HERC2: variants seen among roughly 807,000 people sequenced by gnomAD.
HERC2 encodes the protein HECT and RLD domain containing E3 ubiquitin protein ligase 2, also known as E3 ubiquitin-protein ligase HERC2.
A neutral mutation model predicts 537.7 loss-of-function variants in HERC2; 102 were observed. The ratio of observed to expected loss-of-function variants is 0.19; its 90% CI spans 0.16 to 0.22. HERC2 has a LOEUF of 0.22. HERC2 is among the 10% of genes least tolerant of loss of function. HERC2 has a pLI of 1.00. For synonymous variants in HERC2, 2,224 were observed against 2,466.2 expected, an observed-to-expected ratio of 0.90 and a Z score of 2.91; for missense variants, 4,236 against 6,198.2, an observed-to-expected ratio of 0.68 and a Z score of 10.63.
chr15:28,222,499 ATAAC>A (rs1461390461), intron 35 of HERC2, among the ~76,000 whole-genome samples: 2 of 152,236 alleles, frequency 1.3e-5, no homozygotes, highest in African/African-American at 2.4e-5. Flanking sequence ...AAAAAGCAAA[ATAAC>A]TAAGTTAGAA....
chr15:28,130,362 C>T, intron 82 of HERC2, 60 bp from the exon 83 acceptor site: 2 of 1,610,752 alleles, frequency 1.2e-6, no homozygotes, highest in Non-Finnish European at 1.7e-6. Flanking sequence ...CCACCCTGAC[C>T]AGCCTCCTGG....
In HERC2 at chr15:28,142,229, A is replaced by G; in HGVS notation, c.11700+9T>C. 1 of 1,611,632 alleles carries G rather than the reference A, an allele frequency of 6.2e-7. No individual in the cohort carries two copies. The highest frequency in any genetic ancestry group is 1.7e-4 in the Middle Eastern group (1 of 6,050). On this transcript the variant is annotated intron_variant, in intron 76 of 92. Coordinates refer to ENST00000261609, the MANE Select transcript of HERC2 (RefSeq NM_004667.6). ...ATCCCAAAAGTGATTCCAAAATATC[A>G]TGCAATACCTCATCAAGAAACAGAC...
intron 78 of HERC2, among the ~76,000 whole-genome samples, chr15:28,136,359 AG>A (rs1448836293): frequency 6.6e-6 from 1 of 152,122 alleles, no homozygotes; most frequent in Non-Finnish European, 1.5e-5. Flanking sequence ...GGGCCAATGC[AG>A]GAAGTGAAAC....
At position 28,322,088 on chromosome 15, in the gene HERC2, C is replaced by T. The variant is rs1475354759; in HGVS notation, c.-45G>A. 1 of 86,726 alleles carries T rather than the reference C, an allele frequency of 1.2e-5. No individual in the cohort carries two copies. Among genetic ancestry groups the T allele is most frequent in the Non-Finnish European group, 2.1e-5 (1 of 46,644 alleles). The allele number at this position is 86,726 out of a possible 1,614,324, so 5.4% of individuals were successfully genotyped here. On this transcript the variant is annotated 5_prime_UTR_variant, in exon 1 of 93. Coordinates refer to ENST00000261609, the MANE Select transcript of HERC2 (RefSeq NM_004667.6). ...CCAGGCCAGGACCTGACGCGCAGGG[C>T]CCGGCCGCCTCGCCTCGCCGGCGCG... is the stretch of plus-strand genomic sequence containing the variant.
At chr15:28,245,598 C>T (rs1567063999) in intron 23 of HERC2, among the ~76,000 whole-genome samples, 8 of 137,042 alleles carry the variant, frequency 5.8e-5, no homozygotes, top group African/African-American at 2.4e-4. Flanking sequence ...CACACACACA[C>T]ACACACAGAT....
chr15:28,174,786 C>T (rs909917433), intron 64 of HERC2, among the ~76,000 whole-genome samples, 166 bp from the exon 65 acceptor site: 3 of 152,092 alleles, frequency 2.0e-5, no homozygotes, highest in African/African-American at 4.8e-5. Context: ...ATGGCATCAG[C>T]GTACTACAAT....
rs1347965002 is a variant in HERC2, at chr15:28,141,585, A to T, written c.11862T>A (p.Ile3954=). Residue 3954 remains isoleucine (I), a synonymous_variant, in exon 78 of 93, where the codon ATT becomes ATA. Coordinates refer to ENST00000261609, the MANE Select transcript of HERC2 (RefSeq NM_004667.6). ...WTLSAGGSGT[I]YGWGHNHRGQ... ...CCCTGTGATTATGTCCCCATCCATA[A>T]ATTGTTCCACTGCCACCAGCAGAGA... The T allele has an allele frequency of 6.2e-7, 1 of 1,614,106 alleles. No homozygotes were observed.
intron 78 of HERC2, among the ~76,000 whole-genome samples, chr15:28,138,227 A>T (rs1890847408): frequency 6.6e-6 from 1 of 152,190 alleles, no homozygotes; most frequent in Non-Finnish European, 1.5e-5. Flanking sequence ...GTTACCCAGA[A>T]GATCTAGCCA....
At chr15:28,165,406 G>C (rs1425496171) in intron 68 of HERC2, among the ~76,000 whole-genome samples, 1 of 152,132 alleles carries the variant, frequency 6.6e-6, no homozygotes, top group Non-Finnish European at 1.5e-5. Flanking sequence ...ATACAGAAAG[G>C]GTGAAAACTA....
intron 86 of HERC2, 100 bp from the exon 87 acceptor site, chr15:28,117,254 G>A (rs997986786): frequency 1.7e-5 from 20 of 1,175,104 alleles, no homozygotes; most frequent in African/African-American, 7.5e-5. Flanking sequence ...AGGAGGCACC[G>A]TGCATGGGCC....
chr15:28,204,099 C>T (rs1232834476), intron 45 of HERC2, among the ~76,000 whole-genome samples: 1 of 152,098 alleles, frequency 6.6e-6, no homozygotes, highest in Admixed American at 6.5e-5. Flanking sequence ...GAGAAGAAAA[C>T]TCCCCTTTCT....
At chr15:28,288,376 A>C (rs2076217180) in intron 4 of HERC2, among the ~76,000 whole-genome samples, 1 of 148,626 alleles carries the variant, frequency 6.7e-6, no homozygotes, top group African/African-American at 2.5e-5. Context: ...AAAATACAAA[A>C]TTAGCCAGGT....
intron 4 of HERC2, among the ~76,000 whole-genome samples, chr15:28,281,393 C>G (rs2076016464): frequency 6.6e-6 from 1 of 152,156 alleles, no homozygotes; most frequent in Non-Finnish European, 1.5e-5. Flanking sequence ...GAGCTGGTCT[C>G]TTTTGTGCTT....
intron 12 of HERC2, among the ~76,000 whole-genome samples, chr15:28,267,047 GT>G (rs1017445697): frequency 3.3e-5 from 5 of 152,218 alleles, no homozygotes; most frequent in Non-Finnish European, 7.3e-5. Flanking sequence ...AGTCTTACTA[GT>G]TGAAGAAATT....
chr15:28,303,784 T>A (rs563227424), intron 2 of HERC2, among the ~76,000 whole-genome samples: 7 of 152,236 alleles, frequency 4.6e-5, no homozygotes, highest in Non-Finnish European at 8.8e-5. Flanking sequence ...GTTAGTTTTA[T>A]TCCTACGTAT....
At chr15:28,216,042 T>G (rs1279757169) in intron 38 of HERC2, among the ~76,000 whole-genome samples, 9 of 152,074 alleles carry the variant, frequency 5.9e-5, no homozygotes, top group African/African-American at 1.9e-4. Flanking sequence ...GCTCTCACTG[T>G]GTTTCCCAGG....
intron 2 of HERC2, among the ~76,000 whole-genome samples, chr15:28,312,111 C>G (rs1242108059): frequency 6.6e-6 from 1 of 152,296 alleles, no homozygotes; most frequent in African/African-American, 2.4e-5. Flanking sequence ...ACTGATGACC[C>G]AAATAAATGG....
intron 79 of HERC2, 96 bp from the exon 80 acceptor site, chr15:28,132,926 G>T: frequency 1.0e-6 from 1 of 977,800 alleles, no homozygotes; most frequent in Non-Finnish European, 1.4e-6. Context: ...TTCCTAATCA[G>T]TTAATTGTTA....
Position 28,196,339 on chromosome 15 carries a change from C to G in HERC2, c.8136G>C (p.Gln2712His). Residue 2712 changes from glutamine (Q) to histidine (H), a missense_variant, in exon 52 of 93, where the codon CAG (glutamine) becomes CAC (histidine). Coordinates refer to ENST00000261609, the MANE Select transcript of HERC2 (RefSeq NM_004667.6). The stretch of plus-strand genomic sequence containing the variant: ...ATCTGGATCCATTGATAGGAAACAT[C>G]TGACATCCATCACACCTATTTGTAA... ...IHPGVTCDGC[Q>H]MFPINGSRFK... 1 of 1,398,602 alleles carries G rather than the reference C, an allele frequency of 7.2e-7. No individual in the cohort carries two copies. Among genetic ancestry groups the G allele is most frequent in the Non-Finnish European group, 9.9e-7 (1 of 1,011,498 alleles). 86.6% of individuals were successfully genotyped at this position (1,398,602 alleles called of 1,614,324 possible). A position where few individuals can be genotyped will look rare whatever the true frequency, so the allele number is the denominator to read the frequency against.
Sources: gnomAD v4.1 joint callset for allele counts (sites outside exome capture counted in the v4.1 genomes callset) on GRCh38, gnomAD v4.1.1 for gene constraint, MANE v1.5 for transcripts, NCBI Gene and HGNC (gene_info 2026-07-23, HGNC 2026-07-21) for gene names.